The following KIAA2012 variants were observed in gnomAD, a reference collection of about 807,000 sequenced individuals.
KIAA2012 encodes the protein uncharacterized protein KIAA2012.
In KIAA2012, 125 loss-of-function variants were observed where a neutral mutation model predicts 150.6. The ratio of observed to expected loss-of-function variants is 0.83; its 90% CI spans 0.72 to 0.96. The LOEUF is 0.96. Among genes scored for constraint, KIAA2012 ranks in the 40% least tolerant of loss-of-function variants. The pLI, the probability that KIAA2012 is intolerant of heterozygous loss-of-function variation, is 0.00. For synonymous variants in KIAA2012, 462 were observed against 504.7 expected (o/e 0.92, Z 1.13); for missense variants, 1,219 against 1,354.9 (o/e 0.90, Z 1.57).
chr2:202,086,242 T>C (rs1689569477), intron 2 of KIAA2012, among the ~76,000 whole-genome samples: 1 of 151,046 alleles, frequency 6.6e-6, no homozygotes, highest in African/African-American at 2.4e-5. Context: ...AGGGTTCCTG[T>C]CCAGACTCAA....
At chr2:202,103,493 C>G (rs1690105790) in intron 8 of KIAA2012, among the ~76,000 whole-genome samples, 1 of 151,448 alleles carries the variant, frequency 6.6e-6, no homozygotes, top group African/African-American at 2.4e-5. Context: ...AAAAAAAAAC[C>G]TGGGTAAAAG....
chr2:202,113,860 G>A (rs6730139), intron 11 of KIAA2012: 3,556 of 156,534 alleles, frequency 0.023, 137 homozygotes, highest in African/African-American at 0.08. Context: ...GTTCATCCCT[G>A]TGAATCATCT....
chr2:202,083,641 T>C (rs1266258908), intron 2 of KIAA2012, among the ~76,000 whole-genome samples: 1 of 151,930 alleles, frequency 6.6e-6, no homozygotes, highest in African/African-American at 2.4e-5. Flanking sequence ...GTTTTTCCAT[T>C]CAATCGAGCC....
At chr2:202,132,754 A>ATGTGTATATATAGTATATATGTATATC (rs1553556827) in intron 12 of KIAA2012, among the ~76,000 whole-genome samples, 1 of 106,256 alleles carries the variant, frequency 9.4e-6, no homozygotes, top group African/African-American at 3.6e-5. Context: ...TATAGTATAT[A>ATGTGTATATATAGTATATATGTATATC]TGTATATATA....
At chr2:202,200,615 GA>G (rs36179190) in intron 22 of KIAA2012, among the ~76,000 whole-genome samples, 15,138 of 151,718 alleles carry the variant, frequency 0.1, 994 homozygotes, top group Non-Finnish European at 0.13. Context: ...GGATGTAAAG[GA>G]AAAGGCACAC....
At chr2:202,074,858 T>C (rs1036381851) in intron 1 of KIAA2012, 33 bp from the exon 2 acceptor site, 2 of 1,516,274 alleles carry the variant, frequency 1.3e-6, no homozygotes, top group Non-Finnish European at 8.8e-7. Flanking sequence ...TCTTCCACAG[T>C]GGCTCCGTCA....
chr2:202,192,215 G>A (rs1032749205), intron 19 of KIAA2012, among the ~76,000 whole-genome samples: 5 of 152,098 alleles, frequency 3.3e-5, no homozygotes, highest in African/African-American at 1.2e-4. Flanking sequence ...CCTCTGCAAA[G>A]ACTAAAAAGC....
At chr2:202,177,750 CT>C (rs1203743543) in intron 15 of KIAA2012, among the ~76,000 whole-genome samples, 1 of 152,178 alleles carries the variant, frequency 6.6e-6, no homozygotes, top group Non-Finnish European at 1.5e-5. Flanking sequence ...GACCTAAACA[CT>C]TTTTATTAAG....
chr2:202,118,210 G>A (rs1392697057), intron 11 of KIAA2012, among the ~76,000 whole-genome samples: 2 of 152,150 alleles, frequency 1.3e-5, no homozygotes, highest in Non-Finnish European at 2.9e-5. Flanking sequence ...AGTGTACACT[G>A]CCCCTTGTGC....
At chr2:202,073,766 A>C in intron 1 of KIAA2012, 55 bp downstream of exon 1, 3 of 1,466,498 alleles carry the variant, frequency 2.0e-6, no homozygotes, top group Non-Finnish European at 2.8e-6. Context: ...GGAATGCTCT[A>C]TGTTTCCACT....
chr2:202,126,456 T>C (rs925034645), intron 12 of KIAA2012, among the ~76,000 whole-genome samples: 3 of 152,206 alleles, frequency 2.0e-5, no homozygotes, highest in African/African-American at 7.2e-5. Context: ...GAGAAATATC[T>C]GGGAGTCTGG....
At chr2:202,151,872 C>T (rs985969441) in intron 13 of KIAA2012, among the ~76,000 whole-genome samples, 1 of 152,090 alleles carries the variant, frequency 6.6e-6, no homozygotes, top group Non-Finnish European at 1.5e-5. Context: ...AGGATCTTAC[C>T]ACCTCAGCTT....
intron 16 of KIAA2012, 127 bp downstream of exon 16, chr2:202,184,970 C>T (rs1692199412): frequency 4.8e-6 from 3 of 623,384 alleles, no homozygotes; most frequent in South Asian, 2.2e-5. Context: ...GCTCTAACAG[C>T]CAAAATTAAA....
chr2:202,197,080 T>TG (rs1559235718), intron 22 of KIAA2012, 61 bp downstream of exon 22: 1 of 1,546,934 alleles, frequency 6.5e-7, no homozygotes, highest in Non-Finnish European at 8.7e-7. Context: ...CACTGTCCAG[T>TG]GCTAGTGCTA....
In KIAA2012 at chr2:202,073,450, G is replaced by C. The variant is rs1689251015; in HGVS notation, c.-178G>C. 1 of 595,428 alleles carries C rather than the reference G, an allele frequency of 1.7e-6. No individual in the cohort carries two copies. Among genetic ancestry groups the C allele is most frequent in the South Asian group, 2.1e-5 (1 of 48,118 alleles). 36.9% of individuals were successfully genotyped at this position (595,428 alleles called of 1,614,324 possible). On this transcript the variant is annotated 5_prime_UTR_variant, in exon 1 of 24. Coordinates refer to ENST00000498697, the MANE Select transcript of KIAA2012 (RefSeq NM_001277372.4). ...CACAAAGACACACACTGTCTAAACTGTGTGGCTGGTTGTTACTAAGAAGCT... is the reference window on the plus strand; with the variant it reads ...CACAAAGACACACACTGTCTAAACTCTGTGGCTGGTTGTTACTAAGAAGCT...
chr2:202,107,204 C>T (rs1462796610), intron 9 of KIAA2012, among the ~76,000 whole-genome samples: 1 of 150,822 alleles, frequency 6.6e-6, no homozygotes, highest in Non-Finnish European at 1.5e-5. Context: ...TCAGTATAAG[C>T]CCAACATTGT....
At chr2:202,189,973 C>G in intron 18 of KIAA2012, among the ~76,000 whole-genome samples, 1 of 151,726 alleles carries the variant, frequency 6.6e-6, no homozygotes, top group Non-Finnish European at 1.5e-5. Context: ...GCCTGCAGTC[C>G]CAGCTACTCA....
intron 23 of KIAA2012, among the ~76,000 whole-genome samples, chr2:202,203,648 G>A (rs1356338383): frequency 6.6e-6 from 1 of 152,150 alleles, no homozygotes; most frequent in Non-Finnish European, 1.5e-5. Context: ...AGTTCTATTG[G>A]GCAGCATTAT....
At chr2:202,171,902 T>C (rs2105729672) in intron 15 of KIAA2012, among the ~76,000 whole-genome samples, 1 of 141,702 alleles carries the variant, frequency 7.1e-6, no homozygotes, top group South Asian at 2.2e-4. Flanking sequence ...CAGGCTTGAG[T>C]GCAGTGGCGT....
Sources: gnomAD v4.1 joint callset for allele counts (sites outside exome capture counted in the v4.1 genomes callset) on GRCh38, gnomAD v4.1.1 for gene constraint, MANE v1.5 for transcripts, NCBI Gene and HGNC (gene_info 2026-07-23, HGNC 2026-07-21) for gene names.